ZNF385D: variants seen among roughly 807,000 people sequenced by gnomAD.
The protein encoded by ZNF385D is zinc finger protein 659.
ZNF385D carries 15 observed loss-of-function variants against 35.8 expected under a neutral mutation model. That is an observed-to-expected ratio of 0.42 (90% CI 0.28 to 0.64). ZNF385D has a LOEUF of 0.64. Ranked by LOEUF, ZNF385D falls within the 30% of genes least tolerant of loss-of-function variation. The pLI is 0.23. For synonymous variants in ZNF385D, 212 were observed against 186.8 expected, an observed-to-expected ratio of 1.13 and a Z score of -1.10; for missense variants, 474 against 494.6, an observed-to-expected ratio of 0.96 and a Z score of 0.39.
intron 1 of ZNF385D, among the ~76,000 whole-genome samples, chr3:21,749,896 T>C (rs182216601): frequency 1.6e-4 from 25 of 152,320 alleles, no homozygotes; most frequent in African/African-American, 5.8e-4. Context: ...CTCTTTAATC[T>C]GAAAGAAGAC....
chr3:22,019,445 T>C (rs1697095640), intron 3 of ZNF385D, among the ~76,000 whole-genome samples: 1 of 151,978 alleles, frequency 6.6e-6, no homozygotes, highest in African/African-American at 2.4e-5. Context: ...ATATAGTAAT[T>C]GTTAAATTTC....
chr3:21,903,708 A>C (rs1214004125), intron 3 of ZNF385D, among the ~76,000 whole-genome samples: 1 of 152,200 alleles, frequency 6.6e-6, no homozygotes, highest in Admixed American at 6.5e-5. Context: ...TATGTCATCC[A>C]TGAACACGTC....
rs73140845 is a variant in ZNF385D at position 21,764,150 on chromosome 3, T to C, written c.326-99122A>G. ...GGTTGATTTGAGATTCATCAGAAAT[T>C]AGTCAGACAAAGATAAGGGAAGAGT... On this transcript the variant is annotated intron_variant, in intron 3 of 5. Transcript: ENST00000494108. Among the ~76,000 whole-genome samples the C allele has an allele frequency of 5.6e-3, 852 of 152,242 alleles. 14 individuals are homozygous for C. The highest frequency in any genetic ancestry group is 0.02 in the African/African-American group (825 of 41,552).
intron 2 of ZNF385D, among the ~76,000 whole-genome samples, chr3:22,190,210 A>C (rs1576470130): frequency 6.6e-6 from 1 of 152,176 alleles, no homozygotes; most frequent in African/African-American, 2.4e-5. Flanking sequence ...AATACAGTCA[A>C]AGTTGAAAAT....
chr3:22,227,361 A>C (rs186565925), intron 2 of ZNF385D, among the ~76,000 whole-genome samples: 47 of 152,192 alleles, frequency 3.1e-4, no homozygotes, highest in Non-Finnish European at 1.5e-5. Context: ...CGTGAATCTG[A>C]TTGTGTGTCA....
At chr3:22,292,038 G>A (rs1702326742) in intron 2 of ZNF385D, among the ~76,000 whole-genome samples, 1 of 151,860 alleles carries the variant, frequency 6.6e-6, no homozygotes, top group South Asian at 2.1e-4. Context: ...ATTGGATATT[G>A]GAGCCCTTCT....
intron 2 of ZNF385D, among the ~76,000 whole-genome samples, chr3:21,613,753 T>C (rs2064758572): frequency 6.6e-6 from 1 of 152,200 alleles, no homozygotes; most frequent in Non-Finnish European, 1.5e-5. Flanking sequence ...GAATGAATCA[T>C]AGAAACATGA....
At chr3:21,817,886 T>C (rs2073222976) in intron 3 of ZNF385D, among the ~76,000 whole-genome samples, 1 of 152,232 alleles carries the variant, frequency 6.6e-6, no homozygotes, top group African/African-American at 2.4e-5. Context: ...CAGGTATGTT[T>C]ATTGTGGCAC....
chr3:21,970,576 G>A (rs1287296017), intron 3 of ZNF385D, among the ~76,000 whole-genome samples: 1 of 151,860 alleles, frequency 6.6e-6, no homozygotes, highest in South Asian at 2.1e-4. Context: ...GCCTCAAAGG[G>A]CCAAATCTAG....
intron 3 of ZNF385D, among the ~76,000 whole-genome samples, chr3:21,560,302 A>C (rs967639650): frequency 6.6e-6 from 1 of 152,130 alleles, no homozygotes; most frequent in Non-Finnish European, 1.5e-5. Flanking sequence ...GGATTCATCT[A>C]TCTTTGGTCT....
At chr3:21,544,819 C>G (rs571006254) in intron 3 of ZNF385D, among the ~76,000 whole-genome samples, 1 of 152,112 alleles carries the variant, frequency 6.6e-6, no homozygotes, top group Non-Finnish European at 1.5e-5. Context: ...TTTTAGACCT[C>G]GAACATTTAG....
At chr3:22,177,891 A>G (rs944615919) in intron 2 of ZNF385D, among the ~76,000 whole-genome samples, 2 of 152,104 alleles carry the variant, frequency 1.3e-5, no homozygotes, top group African/African-American at 4.8e-5. Flanking sequence ...GCTTCATCCA[A>G]TGTCCCTACA....
At chr3:21,793,885 CCTT>C (rs112250172) in intron 3 of ZNF385D, among the ~76,000 whole-genome samples, 298 of 152,276 alleles carry the variant, frequency 2.0e-3, no homozygotes, top group African/African-American at 6.6e-3. Flanking sequence ...GATTTCTAGA[CCTT>C]CTCTTCTTCT....
intron 3 of ZNF385D, among the ~76,000 whole-genome samples, chr3:21,796,624 G>T (rs1032611200): frequency 3.3e-5 from 5 of 152,206 alleles, no homozygotes; most frequent in Middle Eastern, 3.4e-3. Context: ...ACTAAAGGTG[G>T]ATCACAGACA....
chr3:22,144,851 C>T (rs1283358103), intron 3 of ZNF385D, among the ~76,000 whole-genome samples: 1 of 152,056 alleles, frequency 6.6e-6, no homozygotes. Flanking sequence ...GCTTAAAGAT[C>T]ATTTACAGCT....
intron 3 of ZNF385D, among the ~76,000 whole-genome samples, chr3:21,864,140 G>A (rs1438478701): frequency 2.0e-5 from 3 of 152,100 alleles, no homozygotes; most frequent in African/African-American, 7.2e-5. Flanking sequence ...ATACACAAAG[G>A]GTTCATTTTA....
intron 3 of ZNF385D, among the ~76,000 whole-genome samples, chr3:21,791,734 C>CG (rs1419459674): frequency 1.2e-4 from 18 of 152,016 alleles, no homozygotes; most frequent in Admixed American, 1.0e-3. Context: ...TGGATCTAAT[C>CG]GTTTTTTTTG....
chr3:22,064,123 C>A (rs1346511620), intron 3 of ZNF385D, among the ~76,000 whole-genome samples: 1 of 152,138 alleles, frequency 6.6e-6, no homozygotes, highest in Non-Finnish European at 1.5e-5. Flanking sequence ...AGTTATAGGG[C>A]TAGAAATCAA....
At chr3:21,430,831 A>G (rs536111422) in intron 5 of ZNF385D, among the ~76,000 whole-genome samples, 3 of 152,218 alleles carry the variant, frequency 2.0e-5, no homozygotes, top group African/African-American at 7.2e-5. Context: ...ACTTATTAAC[A>G]TGCAACAATT....
Sources: gnomAD v4.1 joint callset for allele counts (sites outside exome capture counted in the v4.1 genomes callset) on GRCh38, gnomAD v4.1.1 for gene constraint, MANE v1.5 for transcripts, NCBI Gene and HGNC (gene_info 2026-07-23, HGNC 2026-07-21) for gene names.